GALNT13: variants seen among roughly 807,000 people sequenced by gnomAD.
GALNT13 encodes the protein UDP-GalNAc:polypeptide N-acetylgalactosaminyltransferase 13.
In GALNT13, 28 loss-of-function variants were observed where a neutral mutation model predicts 64.2. The ratio of observed to expected loss-of-function variants is 0.44; its 90% CI spans 0.32 to 0.60. The LOEUF (loss-of-function observed/expected upper bound fraction) is 0.60. Among genes scored for constraint, GALNT13 ranks in the 20% least tolerant of loss-of-function variants. The pLI, the probability that GALNT13 is intolerant of heterozygous loss-of-function variation, is 0.05. For missense variants in GALNT13, 577 were observed against 669.8 expected (o/e 0.86, Z 1.53); for synonymous variants, 214 against 224.6 (o/e 0.95, Z 0.42).
chr2:154,222,345 T>C (rs1688366471), intron 4 of GALNT13, among the ~76,000 whole-genome samples: 1 of 152,154 alleles, frequency 6.6e-6, no homozygotes, highest in Non-Finnish European at 1.5e-5. Context: ...CTTTTCCTCA[T>C]GAGTACTATT....
chr2:153,585,240 A>G, the GALNT13 span, among the ~76,000 whole-genome samples: 1 of 152,186 alleles, frequency 6.6e-6, no homozygotes, highest in African/African-American at 2.4e-5. Flanking sequence ...AAAACAAACC[A>G]AATAGAAATT....
chr2:153,457,949 T>C, the GALNT13 span, among the ~76,000 whole-genome samples: 5 of 152,138 alleles, frequency 3.3e-5, no homozygotes, highest in Non-Finnish European at 7.4e-5. Context: ...CTGGAGTACC[T>C]CATCCCCCAT....
chr2:154,215,416 C>T (rs1273863582), intron 4 of GALNT13, among the ~76,000 whole-genome samples: 1 of 152,122 alleles, frequency 6.6e-6, no homozygotes, highest in African/African-American at 2.4e-5. Context: ...CTCACTGTGA[C>T]CTGACAGATA....
chr2:154,085,315 A>C (rs1701469486), intron 3 of GALNT13, among the ~76,000 whole-genome samples: 1 of 152,040 alleles, frequency 6.6e-6, no homozygotes, highest in Non-Finnish European at 1.5e-5. Flanking sequence ...TACACCTATG[A>C]GTTTTAATAG....
the GALNT13 span, among the ~76,000 whole-genome samples, chr2:153,224,380 A>G: frequency 1.1e-4 from 16 of 152,316 alleles, no homozygotes; most frequent in Middle Eastern, 3.4e-3. Context: ...CCTATCAGGT[A>G]CTGTGCTCAC....
At chr2:153,756,949 A>G in the GALNT13 span, among the ~76,000 whole-genome samples, 2 of 152,148 alleles carry the variant, frequency 1.3e-5, no homozygotes, top group African/African-American at 4.8e-5. Flanking sequence ...TCACAAATAT[A>G]GAATCTCTTC....
chr2:153,976,477 TA>T (rs1020220445), intron 3 of GALNT13, among the ~76,000 whole-genome samples: 159 of 152,278 alleles, frequency 1.0e-3, no homozygotes, highest in African/African-American at 3.6e-3. Flanking sequence ...CTTCTGTTCC[TA>T]AATTTTCTTC....
the GALNT13 span, among the ~76,000 whole-genome samples, chr2:153,825,038 A>C: frequency 6.6e-6 from 1 of 152,250 alleles, no homozygotes; most frequent in Non-Finnish European, 1.5e-5. Flanking sequence ...AGTTCTTTAT[A>C]GCAGTGTGAG....
chr2:153,922,047 G>T (rs750293768), intron 2 of GALNT13, among the ~76,000 whole-genome samples: 3 of 152,100 alleles, frequency 2.0e-5, no homozygotes, highest in Non-Finnish European at 4.4e-5. Flanking sequence ...ATCGGTTAGT[G>T]GGTTTTATTA....
chr2:153,455,501 C>T, the GALNT13 span, among the ~76,000 whole-genome samples: 1 of 152,140 alleles, frequency 6.6e-6, no homozygotes, highest in Non-Finnish European at 1.5e-5. Flanking sequence ...GATCGAACTC[C>T]ACTCACTCGG....
chr2:153,694,109 AAAAC>A, the GALNT13 span, among the ~76,000 whole-genome samples: 2 of 152,188 alleles, frequency 1.3e-5, no homozygotes, highest in African/African-American at 2.4e-5. Flanking sequence ...CTCCATCCCA[AAAAC>A]AAACAAACAA....
At chr2:153,200,911 A>AGT in the GALNT13 span, among the ~76,000 whole-genome samples, 1 of 152,218 alleles carries the variant, frequency 6.6e-6, no homozygotes, top group Non-Finnish European at 1.5e-5. Context: ...AAAAGATGGG[A>AGT]CTGAATCCAG....
chr2:153,714,266 T>A, the GALNT13 span, among the ~76,000 whole-genome samples: 24,264 of 152,040 alleles, frequency 0.16, 3,448 homozygotes, highest in African/African-American at 0.38. Context: ...GGAGGAGAAA[T>A]ATTTTCTCCA....
chr2:153,960,053 G>T (rs1398834750), intron 3 of GALNT13, among the ~76,000 whole-genome samples: 5 of 152,202 alleles, frequency 3.3e-5, no homozygotes, highest in African/African-American at 1.2e-4. Flanking sequence ...ATGGCTGCTT[G>T]TTCATCTGAT....
intron 3 of GALNT13, among the ~76,000 whole-genome samples, chr2:154,131,294 G>GGAT (rs1206857050): frequency 1.3e-5 from 2 of 152,116 alleles, no homozygotes; most frequent in Non-Finnish European, 2.9e-5. Flanking sequence ...TATATTATAA[G>GGAT]GATGATTGTG....
At chr2:153,940,031 T>G (rs1466786446) in intron 2 of GALNT13, among the ~76,000 whole-genome samples, 1 of 152,120 alleles carries the variant, frequency 6.6e-6, no homozygotes, top group East Asian at 1.9e-4. Context: ...ATCATCAATA[T>G]TCTCCCTTTC....
At chr2:153,802,887 G>C in the GALNT13 span, among the ~76,000 whole-genome samples, 1 of 152,232 alleles carries the variant, frequency 6.6e-6, no homozygotes, top group African/African-American at 2.4e-5. Flanking sequence ...GAAAAACTGT[G>C]AAGTTTTTAG....
At chr2:153,181,030 CTTTTT>C in the GALNT13 span, among the ~76,000 whole-genome samples, 3 of 32,074 alleles carry the variant, frequency 9.4e-5, no homozygotes, top group South Asian at 9.1e-4. Flanking sequence ...TTTATTGTTT[CTTTTT>C]TTTTTTTTTT....
intron 8 of GALNT13, among the ~76,000 whole-genome samples, chr2:154,297,781 T>C (rs2105974886): frequency 6.6e-6 from 1 of 152,316 alleles, no homozygotes; most frequent in South Asian, 2.1e-4. Flanking sequence ...AAGTCAATGA[T>C]ATGTTCTAGT....
Sources: allele counts gnomAD v4.1 joint callset (sites outside exome capture counted in the v4.1 genomes callset), GRCh38; gene constraint gnomAD v4.1.1; transcripts MANE v1.5; gene names NCBI Gene and HGNC (gene_info 2026-07-23, HGNC 2026-07-21).